The following GRM4 variants were observed in gnomAD, a reference collection of about 807,000 sequenced individuals.
GRM4 encodes the protein glutamate metabotropic receptor 4.
GRM4 carries 28 observed loss-of-function variants against 81.7 expected under a neutral mutation model. The ratio of observed to expected loss-of-function variants is 0.34; its 90% CI spans 0.25 to 0.47. The LOEUF (loss-of-function observed/expected upper bound fraction) is 0.47, where lower values mean the gene tolerates loss of function less well. Ranked by LOEUF, GRM4 falls within the 20% of genes least tolerant of loss-of-function variation. The pLI is 1.00. For synonymous variants in GRM4, 488 were observed against 528.8 expected (o/e 0.92, Z 1.06); for missense variants, 948 against 1,290.0 (o/e 0.73, Z 4.06).
rs1023927487 is a variant in GRM4, at chr6:34,047,732, G to A, written c.1169-6984C>T. Reference sequence around the variant, plus strand: ...TGCATCCAGGTGTTTCGAGGGCTTAGTGGTTGGGCCAAAAGGGATCCCCAT... The same window carrying A: ...TGCATCCAGGTGTTTCGAGGGCTTAATGGTTGGGCCAAAAGGGATCCCCAT... On this transcript the variant is annotated intron_variant, in intron 6 of 10. Transcript: ENST00000538487. The surrounding 1 kb of genome is among the most constrained non-coding windows in gnomAD (Gnocchi z 4.5). Among the ~76,000 whole-genome samples the A allele has an allele frequency of 6.6e-6, 1 of 152,164 alleles. No homozygotes were observed. The highest frequency in any genetic ancestry group is 1.5e-5 in the Non-Finnish European group (1 of 68,034).
chr6:34,097,466 T>C (rs111591961), intron 2 of GRM4, among the ~76,000 whole-genome samples: 12 of 152,170 alleles, frequency 7.9e-5, no homozygotes, highest in East Asian at 5.8e-4. Context: ...CGCATGTGTG[T>C]ATCCAGGCAC....
chr6:34,068,530 C>T lies in GRM4; in HGVS notation c.737-6502G>A, dbSNP rs2127466824. On this transcript the variant is annotated intron_variant, in intron 3 of 10. Transcript: ENST00000538487. The surrounding 1 kb of genome is among the most constrained non-coding windows in gnomAD (Gnocchi z 4.2). ...CCATCCTCCCTGGCATGGCTCTCCCCACCCCACCTGTCTCAAAAAGTCCCC... is the reference window on the plus strand; with the variant it reads ...CCATCCTCCCTGGCATGGCTCTCCCTACCCCACCTGTCTCAAAAAGTCCCC... 6.6e-6 allele frequency among the ~76,000 whole-genome samples: 1 copy of T among 152,218 alleles called. No individual in the cohort carries two copies. The highest frequency in any genetic ancestry group is 2.4e-5 in the African/African-American group (1 of 41,528).
rs1310511648 is a variant in GRM4, at chr6:34,074,293, G to C, written c.737-12265C>G. On this transcript the variant is annotated intron_variant, in intron 3 of 10. Coordinates refer to ENST00000538487, the MANE Select transcript of GRM4 (RefSeq NM_000841.4). This position sits in a 1 kb window ranked among gnomAD's most constrained non-coding sequence, Gnocchi z 4.9. ...CCTCCATTTCCCCATCTGTGAAATGGGATGGTATGAACCCTGTCCCCGAGA... is the reference window on the plus strand; with the variant it reads ...CCTCCATTTCCCCATCTGTGAAATGCGATGGTATGAACCCTGTCCCCGAGA... Among the ~76,000 whole-genome samples the C allele has an allele frequency of 6.6e-6, 1 of 152,220 alleles. No homozygotes were observed. The highest frequency in any genetic ancestry group is 6.5e-5 in the Admixed American group (1 of 15,284).
intron 10 of GRM4, among the ~76,000 whole-genome samples, chr6:34,027,101 C>T (rs576558607): frequency 6.6e-6 from 1 of 152,226 alleles, no homozygotes; most frequent in African/African-American, 2.4e-5. Context: ...GCATGGCACC[C>T]GAAGGGAACC....
At chr6:34,033,359 C>T (rs1036012309) in intron 9 of GRM4, among the ~76,000 whole-genome samples, 6 of 152,084 alleles carry the variant, frequency 3.9e-5, no homozygotes, top group African/African-American at 1.4e-4. Flanking sequence ...CAAGGAAGTC[C>T]CAGGGCATGA....
At chr6:34,137,144 G>A (rs868349046) in intron 1 of GRM4, among the ~76,000 whole-genome samples, 7 of 152,198 alleles carry the variant, frequency 4.6e-5, no homozygotes, top group East Asian at 1.9e-4. Context: ...TGAAATCATC[G>A]GGATGACTGT....
rs1392068621 is a variant in GRM4 at position 34,044,945 on chromosome 6, GACAT to G, written c.1169-4201_1169-4198del. Among the ~76,000 whole-genome samples the G allele has an allele frequency of 2.8e-5, 4 of 145,260 alleles. No individual in the cohort carries two copies. The East Asian group carries it at 6.5e-4, about 23-fold the overall frequency. ...ATATACACAGACACACACACACATA[GACAT>G]ACATACACATATATACACATACACG... On this transcript the variant is annotated intron_variant, in intron 6 of 10. Coordinates refer to ENST00000538487, the MANE Select transcript of GRM4 (RefSeq NM_000841.4).
Position 34,027,735 on chromosome 6 carries a change from C to T in GRM4, c.2689+385G>A, listed in dbSNP as rs960466011. Among the ~76,000 whole-genome samples, 2 of 152,182 alleles carry T rather than the reference C, an allele frequency of 1.3e-5. 1 individual carries two copies. Among genetic ancestry groups the T allele is most frequent in the African/African-American group, 4.8e-5 (2 of 41,446 alleles). On this transcript the variant is annotated intron_variant, in intron 10 of 10. Transcript: ENST00000538487. Reference sequence around the variant, plus strand: ...GGCTGAAAGGGCACAGGCAGGGGCACAGGCAGAGACCCAGGCCCCAGCACA... The same window carrying T: ...GGCTGAAAGGGCACAGGCAGGGGCATAGGCAGAGACCCAGGCCCCAGCACA...
At chr6:34,122,176 C>G (rs1457822718) in intron 2 of GRM4, among the ~76,000 whole-genome samples, 1 of 151,996 alleles carries the variant, frequency 6.6e-6, no homozygotes, top group East Asian at 2.0e-4. Flanking sequence ...CCCACACCAC[C>G]CAAACAGAGA....
rs1765476493 is a variant in GRM4, at chr6:34,048,850, T to G, written c.1168+7694A>C. Reference sequence around the variant, plus strand: ...TCCTCTTCGCCTTCCACCATGATTGTAAGTTTCCTGAGGCCTCCCAGTCGC... The same window carrying G: ...TCCTCTTCGCCTTCCACCATGATTGGAAGTTTCCTGAGGCCTCCCAGTCGC... On this transcript the variant is annotated intron_variant, in intron 6 of 10. Coordinates refer to ENST00000538487, the MANE Select transcript of GRM4 (RefSeq NM_000841.4). This position sits in a 1 kb window ranked among gnomAD's most constrained non-coding sequence, Gnocchi z 4.0. Among the ~76,000 whole-genome samples the G allele has an allele frequency of 6.6e-6, 1 of 152,128 alleles. No homozygotes were observed.
intron 6 of GRM4, among the ~76,000 whole-genome samples, chr6:34,045,837 G>GGCA (rs34001579): frequency 0.061 from 9,339 of 152,160 alleles, 743 homozygotes; most frequent in African/African-American, 0.19. Flanking sequence ...CCAGACACAT[G>GGCA]GCAGTGACAG....
rs183153133 is a variant in GRM4, at chr6:34,050,661, C to T, written c.1168+5883G>A. Among the ~76,000 whole-genome samples, 5 of 152,338 alleles carry T rather than the reference C, an allele frequency of 3.3e-5. No individual in the cohort carries two copies. In the East Asian group the frequency reaches 9.6e-4, roughly 29 times the overall value. ...GCAGTGCAAACAGACTAGCACACAC[C>T]TTCTCACTGAGAACTTCTGACTTAA... On this transcript the variant is annotated intron_variant, in intron 6 of 10. Transcript: ENST00000538487.
intron 1 of GRM4, among the ~76,000 whole-genome samples, chr6:34,151,644 G>A (rs987129565): frequency 2.6e-5 from 4 of 152,098 alleles, no homozygotes; most frequent in South Asian, 2.1e-4. Flanking sequence ...TGCAGGAGGC[G>A]GTGCCCTGGG....
At chr6:34,137,948 A>C (rs1429655199) in intron 1 of GRM4, among the ~76,000 whole-genome samples, 2 of 151,716 alleles carry the variant, frequency 1.3e-5, no homozygotes, top group Non-Finnish European at 2.9e-5. Context: ...TCCAACTTCA[A>C]TCCTTCCCTC....
At chr6:34,106,472 C>A (rs1769133789) in intron 2 of GRM4, among the ~76,000 whole-genome samples, 2 of 96,028 alleles carry the variant, frequency 2.1e-5, no homozygotes, top group Admixed American at 1.2e-4. Context: ...AGAGTGAAAA[C>A]CACAGCTTTC....
At chr6:34,056,465 C>T (rs1173545332) in intron 6 of GRM4, 79 bp downstream of exon 6, 18 of 1,311,834 alleles carry the variant, frequency 1.4e-5, no homozygotes, top group Admixed American at 2.0e-5. Flanking sequence ...AAGGGAGACT[C>T]TCGGCCTCAG....
intron 9 of GRM4, among the ~76,000 whole-genome samples, chr6:34,031,630 C>T (rs924897201): frequency 1.3e-5 from 2 of 152,216 alleles, no homozygotes; most frequent in Non-Finnish European, 2.9e-5. Context: ...TCTGCAGCCA[C>T]GTCCTGCCCA....
intron 9 of GRM4, among the ~76,000 whole-genome samples, chr6:34,031,408 A>C (rs1178846117): frequency 6.6e-6 from 1 of 152,176 alleles, no homozygotes; most frequent in Non-Finnish European, 1.5e-5. Flanking sequence ...ACCTGGGGTG[A>C]GGATAGGGCA....
rs1764734551 is a variant in GRM4 at position 34,036,722 on chromosome 6, A to G, written c.1507-119T>C. On this transcript the variant is annotated intron_variant, in intron 8 of 10. Coordinates refer to ENST00000538487, the MANE Select transcript of GRM4 (RefSeq NM_000841.4). This position sits in a 1 kb window ranked among gnomAD's most constrained non-coding sequence, Gnocchi z 9.0. The stretch of plus-strand genomic sequence containing the variant: ...TCAAATCACCCAGCTAGTTGGCTAA[A>G]AGTCCAGCTGCCCGGACCCCACAGG... 1 of 615,258 alleles carries G rather than the reference A, an allele frequency of 1.6e-6. No homozygotes were observed. The highest frequency in any genetic ancestry group is 3.1e-5 in the Admixed American group (1 of 32,774). The allele number at this position is 615,258 out of a possible 1,614,324, so 38.1% of individuals were successfully genotyped here.
Sources: gnomAD v4.1 joint callset for allele counts (sites outside exome capture counted in the v4.1 genomes callset) on GRCh38, gnomAD v4.1.1 for gene constraint, Gnocchi (gnomAD v3.1) non-coding constraint, MANE v1.5 for transcripts, NCBI Gene and HGNC (gene_info 2026-07-23, HGNC 2026-07-21) for gene names.